The following GSDME variants were observed in gnomAD, a reference collection of about 807,000 sequenced individuals.
The protein encoded by GSDME is gasdermin E.
Under a neutral mutation model 47.5 loss-of-function variants are expected in GSDME, and 44 were observed. The ratio of observed to expected loss-of-function variants is 0.93; its 90% confidence interval spans 0.73 to 1.19. The LOEUF (loss-of-function observed/expected upper bound fraction) is 1.19, where lower values mean the gene tolerates loss of function less well. Among genes scored for constraint, GSDME ranks in the 50% most tolerant of loss-of-function variants. The probability of loss-of-function intolerance (pLI) is 0.00; values close to 1 mark genes in which losing one functional copy is unlikely to be tolerated. For missense variants in GSDME, 663 were observed against 604.2 expected (o/e 1.10, Z -1.02); for synonymous variants, 258 against 252.8 (o/e 1.02, Z -0.20).
chr7:24,790,511 A>T, the GSDME span, among the ~76,000 whole-genome samples: 13,113 of 152,208 alleles, frequency 0.086, 778 homozygotes, highest in Non-Finnish European at 0.13. This position sits in a 1 kb window ranked among gnomAD's most constrained non-coding sequence, Gnocchi z 4.1. Flanking sequence ...TAACACAACT[A>T]CCTGCCCACT....
chr7:24,753,921 C>T (rs1164492554), intron 1 of GSDME, among the ~76,000 whole-genome samples: 1 of 152,120 alleles, frequency 6.6e-6, no homozygotes, highest in Non-Finnish European at 1.5e-5. Flanking sequence ...CATTCTCAAA[C>T]ACATAAGATA....
Position 24,721,097 on chromosome 7 carries a change from C to T in GSDME, c.405-1879G>A, listed in dbSNP as rs570557763. ...GGAGGTTACCGGGGCTGCAGGGCTT[C>T]GCTGCCTGATGGCTGCAGAGTTCCT... On this transcript the variant is annotated intron_variant, in intron 3 of 9. Coordinates refer to ENST00000645220, the MANE Select transcript of GSDME (RefSeq NM_001127453.2). This position sits in a 1 kb window ranked among gnomAD's most constrained non-coding sequence, Gnocchi z 4.1. Among the ~76,000 whole-genome samples, 3 of 146,764 alleles carry T rather than the reference C, an allele frequency of 2.0e-5. No homozygotes were observed. Among genetic ancestry groups the T allele is most frequent in the East Asian group, 1.9e-4 (1 of 5,178 alleles).
rs2721793 is a variant in GSDME, at chr7:24,726,562, G to A, written c.405-7344C>T. 0.16 allele frequency among the ~76,000 whole-genome samples: 24,886 copies of A among 152,142 alleles called. 2,237 individuals carry two copies. Among genetic ancestry groups the A allele is most frequent in the African/African-American group, 0.25 (10,242 of 41,478 alleles). On this transcript the variant is annotated intron_variant, in intron 3 of 9. Coordinates refer to ENST00000645220, the MANE Select transcript of GSDME (RefSeq NM_001127453.2). The surrounding 1 kb of genome is among the most constrained non-coding windows in gnomAD (Gnocchi z 5.6). ...TGGTAGGCCGGGCGCGGTGGCTCAC[G>A]CCTGTTATCCCAGCACTTTGGGAGG...
chr7:24,706,038 C>T, intron 8 of GSDME, 146 bp downstream of exon 8: 1 of 1,043,088 alleles, frequency 9.6e-7, no homozygotes, highest in Non-Finnish European at 1.4e-6. Context: ...AGCCTCCCAC[C>T]TCTTACCCTC....
the GSDME span, among the ~76,000 whole-genome samples, chr7:24,765,665 G>A: frequency 2.0e-5 from 3 of 152,218 alleles, no homozygotes; most frequent in Non-Finnish European, 4.4e-5. Context: ...CTGGTTCTGG[G>A]AGCTGCCTGA....
At chr7:24,717,175 C>T (rs1359877180) in intron 5 of GSDME, 79 bp downstream of exon 5, 18 of 1,200,460 alleles carry the variant, frequency 1.5e-5, no homozygotes, top group Non-Finnish European at 1.9e-5. Context: ...CAGTCGAGTC[C>T]TCTGGAAAGC....
Position 24,757,223 on chromosome 7 carries a change from G to A in GSDME, c.-20+173C>T, listed in dbSNP as rs1028850333. Among the ~76,000 whole-genome samples, 1 of 152,064 alleles carries A rather than the reference G, an allele frequency of 6.6e-6. No homozygotes were observed. Among genetic ancestry groups the A allele is most frequent in the Non-Finnish European group, 1.5e-5 (1 of 67,980 alleles). Reference sequence around the variant, plus strand: ...AGCGACGGGACCTGCCGTTCCGGCGGCCGGGCAGCCAATCGATTCGTCTCC... The same window carrying A: ...AGCGACGGGACCTGCCGTTCCGGCGACCGGGCAGCCAATCGATTCGTCTCC... On this transcript the variant is annotated intron_variant, in intron 1 of 9. Transcript: ENST00000645220. The surrounding 1 kb of genome is among the most constrained non-coding windows in gnomAD (Gnocchi z 5.9).
chr7:24,749,846 T>A (rs928085004), intron 1 of GSDME, 53 bp from the exon 2 acceptor site: 8 of 1,241,546 alleles, frequency 6.4e-6, no homozygotes, highest in Non-Finnish European at 9.4e-6. Flanking sequence ...ATTTTGTGGC[T>A]TTTTTCCCTA....
At chr7:24,741,270 A>G (rs777757231) in intron 3 of GSDME, among the ~76,000 whole-genome samples, 6 of 152,232 alleles carry the variant, frequency 3.9e-5, no homozygotes, top group Admixed American at 6.5e-5. Context: ...AAGACAAGGC[A>G]GACAAATGAA....
chr7:24,715,017 A>G (rs759724887), intron 5 of GSDME, among the ~76,000 whole-genome samples: 2 of 152,252 alleles, frequency 1.3e-5, no homozygotes, highest in African/African-American at 4.8e-5. Context: ...ACAATGGAAT[A>G]CTTTTTGGCC....
At chr7:24,707,985 A>G in intron 7 of GSDME, 142 bp downstream of exon 7, 1 of 1,036,092 alleles carries the variant, frequency 9.7e-7, no homozygotes. Flanking sequence ...CACTTAGAAA[A>G]CGCAGGACCC....
chr7:24,770,080 C>T, the GSDME span, among the ~76,000 whole-genome samples: 2 of 152,188 alleles, frequency 1.3e-5, no homozygotes, highest in African/African-American at 2.4e-5. This position sits in a 1 kb window ranked among gnomAD's most constrained non-coding sequence, Gnocchi z 4.6. Flanking sequence ...AAAGACCAAA[C>T]CATGTGATTA....
At chr7:24,763,384 G>A in the GSDME span, among the ~76,000 whole-genome samples, 1 of 151,172 alleles carries the variant, frequency 6.6e-6, no homozygotes, top group East Asian at 1.9e-4. This position sits in a 1 kb window ranked among gnomAD's most constrained non-coding sequence, Gnocchi z 4.3. Context: ...TGCACAGAGG[G>A]GCCATTACTA....
At chr7:24,788,354 C>G in the GSDME span, among the ~76,000 whole-genome samples, 1 of 152,032 alleles carries the variant, frequency 6.6e-6, no homozygotes, top group Admixed American at 6.6e-5. This position sits in a 1 kb window ranked among gnomAD's most constrained non-coding sequence, Gnocchi z 4.6. Flanking sequence ...TGGCAGACGC[C>G]GCATGTCTCT....
chr7:24,776,076 A>C, the GSDME span, among the ~76,000 whole-genome samples: 1 of 149,888 alleles, frequency 6.7e-6, no homozygotes, highest in African/African-American at 2.5e-5. Context: ...GCTACTCGGA[A>C]GGCTGAGGCA....
At chr7:24,720,278 A>G (rs1032875705) in intron 3 of GSDME, among the ~76,000 whole-genome samples, 2 of 152,250 alleles carry the variant, frequency 1.3e-5, no homozygotes, top group African/African-American at 4.8e-5. Context: ...ATCTCATTCA[A>G]TACTATGATT....
At position 24,739,042 on chromosome 7, in the gene GSDME, C is replaced by T. The variant is rs368891200; in HGVS notation, c.404+5520G>A. On this transcript the variant is annotated intron_variant, in intron 3 of 9. Coordinates refer to ENST00000645220, the MANE Select transcript of GSDME (RefSeq NM_001127453.2). This position sits in a 1 kb window ranked among gnomAD's most constrained non-coding sequence, Gnocchi z 5.1. ...ACTATGAAACTACTATAAGAAAACA[C>T]GAGGGAAACTCTCTAGGACATTGAA... 3.9e-5 allele frequency among the ~76,000 whole-genome samples: 6 copies of T among 152,036 alleles called. No homozygotes were observed. The highest frequency in any genetic ancestry group is 3.3e-4 in the Admixed American group (5 of 15,260).
chr7:24,734,262 A>G (rs995763956), intron 3 of GSDME, among the ~76,000 whole-genome samples: 3 of 152,236 alleles, frequency 2.0e-5, no homozygotes, highest in African/African-American at 7.2e-5. Flanking sequence ...AGTGACAAAA[A>G]ACTTGGATGA....
At chr7:24,699,930 A>C (rs2128044845) in intron 9 of GSDME, among the ~76,000 whole-genome samples, 1 of 152,296 alleles carries the variant, frequency 6.6e-6, no homozygotes, top group South Asian at 2.1e-4. Flanking sequence ...TAGGTACCAT[A>C]GTTTAGTTTA....
Sources: gnomAD v4.1 joint callset for allele counts (sites outside exome capture counted in the v4.1 genomes callset) on GRCh38, gnomAD v4.1.1 for gene constraint, Gnocchi (gnomAD v3.1) non-coding constraint, MANE v1.5 for transcripts, NCBI Gene and HGNC (gene_info 2026-07-23, HGNC 2026-07-21) for gene names.